FHOD3: variants seen among roughly 807,000 people sequenced by gnomAD.
FHOD3 encodes formin homology 2 domain containing 3, also known as FH1/FH2 domain-containing protein 3.
In FHOD3, 90 loss-of-function variants were observed where a neutral mutation model predicts 173.0. The observed-to-expected ratio is 0.52, with a 90% CI of 0.44 to 0.62. FHOD3 has a LOEUF of 0.62. Ranked by LOEUF, FHOD3 falls within the 20% of genes least tolerant of loss-of-function variation. The pLI is 0.00. For missense variants in FHOD3, 1,945 were observed against 2,034.7 expected (o/e 0.96, Z 0.85); for synonymous variants, 828 against 823.0 (o/e 1.01, Z -0.10).
chr18:36,606,137 T>TAC (rs1042813261), intron 8 of FHOD3, among the ~76,000 whole-genome samples: 6 of 152,240 alleles, frequency 3.9e-5, no homozygotes, highest in African/African-American at 1.2e-4. Flanking sequence ...ACCTGGATGG[T>TAC]ACATGCTGAG....
intron 5 of FHOD3, among the ~76,000 whole-genome samples, chr18:36,576,127 CTTTGTCCTGT>C (rs1331967810): frequency 2.0e-5 from 3 of 152,178 alleles, no homozygotes; most frequent in Non-Finnish European, 2.9e-5. Context: ...TCATGAATAT[CTTTGTCCTGT>C]CTGGGACTAC....
At chr18:36,369,806 C>G (rs981647653) in intron 2 of FHOD3, among the ~76,000 whole-genome samples, 3 of 151,994 alleles carry the variant, frequency 2.0e-5, no homozygotes, top group Non-Finnish European at 4.4e-5. Flanking sequence ...CACCAGTTCC[C>G]TAAAAAACCA....
chr18:36,693,318 G>T lies in FHOD3; in HGVS notation c.2131G>T (p.Ala711Ser), dbSNP rs1385885407. The T allele has an allele frequency of 1.7e-5, 28 of 1,613,750 alleles. No individual in the cohort carries two copies. Among genetic ancestry groups the T allele is most frequent in the Non-Finnish European group, 2.3e-5 (27 of 1,179,816 alleles). ...DLSLDLTSPA[A>S]PACLAPLSHS... Reference sequence around the variant, plus strand: ...CTCCTTGGACCTGACCTCGCCAGCAGCCCCAGCCTGCCTGGCTCCTCTGAG... The same window carrying T: ...CTCCTTGGACCTGACCTCGCCAGCATCCCCAGCCTGCCTGGCTCCTCTGAG... The change falls in exon 17 of 29, where the codon GCC (alanine) becomes TCC (serine). Residue 711 changes from alanine to serine, a missense_variant. Ala to Ser is a moderately conservative substitution (Grantham distance 99, BLOSUM62 1). This residue lies in a region of FHOD3 where 1,099 missense variants were observed against 1,051.2 expected (regional missense o/e 1.05). Transcript: ENST00000590592.
intron 14 of FHOD3, among the ~76,000 whole-genome samples, chr18:36,666,001 G>T (rs1046239931): frequency 2.6e-5 from 4 of 152,220 alleles, no homozygotes; most frequent in Admixed American, 6.5e-5. Context: ...GGCAAGAACT[G>T]CTGTATGCCA....
At chr18:36,433,505 C>T (rs1019896842) in intron 3 of FHOD3, among the ~76,000 whole-genome samples, 8 of 152,146 alleles carry the variant, frequency 5.3e-5, no homozygotes, top group Non-Finnish European at 7.3e-5. Flanking sequence ...CAATTCAACA[C>T]GTTAGGATTT....
chr18:36,349,780 C>CT (rs144164923), intron 1 of FHOD3, among the ~76,000 whole-genome samples: 1 of 151,984 alleles, frequency 6.6e-6, no homozygotes, highest in South Asian at 2.1e-4. Flanking sequence ...TCTGCCCTTT[C>CT]TTTTTTTTCT....
intron 1 of FHOD3, among the ~76,000 whole-genome samples, chr18:36,332,140 G>A (rs1010289611): frequency 6.6e-6 from 1 of 152,246 alleles, no homozygotes; most frequent in Non-Finnish European, 1.5e-5. Context: ...AAGGAGAAAT[G>A]CTTGAAGGAA....
chr18:36,701,979 G>A (rs534874677), intron 17 of FHOD3, among the ~76,000 whole-genome samples: 7 of 152,314 alleles, frequency 4.6e-5, no homozygotes, highest in Admixed American at 1.3e-4. Flanking sequence ...GACAAAGCAT[G>A]GCTTAACTTT....
intron 3 of FHOD3, among the ~76,000 whole-genome samples, chr18:36,408,441 C>A (rs1294311053): frequency 1.3e-5 from 2 of 151,950 alleles, no homozygotes; most frequent in Admixed American, 1.3e-4. Flanking sequence ...TGGTGTGGGC[C>A]AGGCTAATGG....
At chr18:36,420,646 ATTATAGGAT>A (rs1254564789) in intron 3 of FHOD3, among the ~76,000 whole-genome samples, 1 of 152,166 alleles carries the variant, frequency 6.6e-6, no homozygotes, top group Non-Finnish European at 1.5e-5. Context: ...TCACTCCCTT[ATTATAGGAT>A]TTTTTAAGAG....
intron 25 of FHOD3, among the ~76,000 whole-genome samples, chr18:36,757,371 T>G (rs1474424735): frequency 6.6e-6 from 1 of 152,154 alleles, no homozygotes; most frequent in African/African-American, 2.4e-5. Context: ...TTTTTCCAAC[T>G]CAATTATTAA....
chr18:36,428,189 T>A (rs1214643891), intron 3 of FHOD3, among the ~76,000 whole-genome samples: 1 of 151,998 alleles, frequency 6.6e-6, no homozygotes, highest in African/African-American at 2.4e-5. Flanking sequence ...GCCTTAAAAT[T>A]TTCATTATTT....
Position 36,649,327 on chromosome 18 carries a change from A to T in FHOD3, c.1208A>T (p.Glu403Val), listed in dbSNP as rs1173184989. The change falls in exon 11 of 29, where the codon GAG (glutamate) becomes GTG (valine). Residue 403 changes from glutamate to valine, a missense_variant. Physicochemically the swap from Glu to Val is moderately radical, Grantham distance 121. This residue lies in a region of FHOD3 where 1,099 missense variants were observed against 1,051.2 expected (regional missense o/e 1.05). Coordinates refer to ENST00000590592, the MANE Select transcript of FHOD3 (RefSeq NM_001281740.3). ...VRDLREKEEE[E>V]EEEQPITEPS... ...TGGCTTTGTCTCAGGGAGGAGGAGG[A>T]GGAAGAGGAGCAGCCAATCACGGAG... 4.6e-6 allele frequency: 7 copies of T among 1,535,382 alleles called. No homozygotes were observed. In the African/African-American group the frequency reaches 9.6e-5, roughly 21 times the overall value.
chr18:36,660,731 G>C (rs1212819283), intron 14 of FHOD3, among the ~76,000 whole-genome samples: 1 of 152,234 alleles, frequency 6.6e-6, no homozygotes, highest in African/African-American at 2.4e-5. Flanking sequence ...CCAGGGAGAT[G>C]TTCCAGAGGC....
At chr18:36,432,335 C>T (rs575548495) in intron 3 of FHOD3, among the ~76,000 whole-genome samples, 21 of 152,280 alleles carry the variant, frequency 1.4e-4, no homozygotes, top group Middle Eastern at 3.4e-3. Context: ...GGACTGTCAA[C>T]TTTGGTGTTT....
chr18:36,708,350 C>T (rs1052680804), intron 17 of FHOD3, among the ~76,000 whole-genome samples: 3 of 152,234 alleles, frequency 2.0e-5, no homozygotes. Context: ...GACACATTAG[C>T]TGTTTTTCAT....
intron 4 of FHOD3, among the ~76,000 whole-genome samples, chr18:36,508,609 G>A (rs1342659825): frequency 7.6e-6 from 1 of 131,848 alleles, no homozygotes; most frequent in African/African-American, 2.8e-5. Context: ...TTGTATTGAT[G>A]AATTCATAGT....
At chr18:36,551,022 T>C (rs1273091739) in intron 5 of FHOD3, among the ~76,000 whole-genome samples, 1 of 152,216 alleles carries the variant, frequency 6.6e-6, no homozygotes, top group Non-Finnish European at 1.5e-5. Context: ...TCAGTGTTTC[T>C]CCATTAAGTA....
chr18:36,539,518 G>A (rs1387676914), intron 5 of FHOD3, among the ~76,000 whole-genome samples: 1 of 152,220 alleles, frequency 6.6e-6, no homozygotes, highest in Non-Finnish European at 1.5e-5. Flanking sequence ...CGTGCCTGGA[G>A]TGGTGAGCAG....
Sources: allele counts gnomAD v4.1 joint callset (sites outside exome capture counted in the v4.1 genomes callset), GRCh38; gene constraint gnomAD v4.1.1; regional missense constraint gnomAD v4.1.1; transcripts MANE v1.5; gene names NCBI Gene and HGNC (gene_info 2026-07-23, HGNC 2026-07-21).